MBD5: variants seen among roughly 807,000 people sequenced by gnomAD.
The protein encoded by MBD5 is methyl-CpG binding domain protein 5.
MBD5 carries 13 observed loss-of-function variants against 117.3 expected under a neutral mutation model. The observed-to-expected ratio is 0.11, with a 90% confidence interval of 0.07 to 0.18. The LOEUF is 0.18. Among genes scored for constraint, MBD5 ranks in the 10% least tolerant of loss-of-function variants. The pLI, the probability that MBD5 is intolerant of heterozygous loss-of-function variation, is 1.00. For synonymous variants in MBD5, 727 were observed against 766.4 expected, an observed-to-expected ratio of 0.95 and a Z score of 0.85; for missense variants, 1,879 against 2,093.8, an observed-to-expected ratio of 0.90 and a Z score of 2.00.
chr2:148,379,408 C>G (rs1469680356), intron 4 of MBD5, among the ~76,000 whole-genome samples: 1 of 151,768 alleles, frequency 6.6e-6, no homozygotes, highest in African/African-American at 2.4e-5. Flanking sequence ...TGAATGCCCA[C>G]CAAAACTTTA....
At chr2:148,367,272 A>G (rs1423676568) in intron 4 of MBD5, among the ~76,000 whole-genome samples, 5 of 152,238 alleles carry the variant, frequency 3.3e-5, no homozygotes, top group Non-Finnish European at 7.3e-5. Flanking sequence ...CCAGCTAGCC[A>G]TATGCAGAAA....
chr2:148,461,004 C>T (rs1305259049), intron 5 of MBD5, among the ~76,000 whole-genome samples: 1 of 152,192 alleles, frequency 6.6e-6, no homozygotes, highest in East Asian at 1.9e-4. Flanking sequence ...CGCATCTTGG[C>T]TCACTGCAAC....
chr2:148,231,553 T>TG (rs996696003), intron 2 of MBD5, among the ~76,000 whole-genome samples: 25 of 152,090 alleles, frequency 1.6e-4, no homozygotes, highest in South Asian at 1.3e-3. Flanking sequence ...GTGCTTTTTT[T>TG]TGTGTAGATA....
At chr2:148,024,957 C>G (rs1375544195) in intron 1 of MBD5, 1 of 152,052 alleles carries the variant, frequency 6.6e-6, no homozygotes, top group Non-Finnish European at 1.5e-5. Flanking sequence ...TTTTTTGGTC[C>G]TTACCCAGAC....
At chr2:148,487,697 A>G (rs1681382631) in intron 10 of MBD5, among the ~76,000 whole-genome samples, 1 of 152,090 alleles carries the variant, frequency 6.6e-6, no homozygotes, top group South Asian at 2.1e-4. Flanking sequence ...GGAGGTTAGG[A>G]ATTAAAGAGT....
chr2:148,126,960 T>C (rs919689029), intron 1 of MBD5, among the ~76,000 whole-genome samples: 87 of 150,366 alleles, frequency 5.8e-4, no homozygotes, highest in African/African-American at 2.0e-3. Flanking sequence ...GGTTGTTTTC[T>C]TCAGCTTTTT....
At chr2:148,101,336 C>A (rs1696211696) in intron 1 of MBD5, among the ~76,000 whole-genome samples, 1 of 151,970 alleles carries the variant, frequency 6.6e-6, no homozygotes, top group Non-Finnish European at 1.5e-5. Context: ...GTGGCACATG[C>A]CTATATTACT....
At chr2:148,165,527 CTG>C (rs906955475) in intron 1 of MBD5, among the ~76,000 whole-genome samples, 3 of 152,028 alleles carry the variant, frequency 2.0e-5, no homozygotes, top group Non-Finnish European at 4.4e-5. Context: ...TAGTTGTTCT[CTG>C]TTGCAACTAG....
chr2:148,055,125 T>C (rs1694821034), intron 1 of MBD5: 1 of 152,314 alleles, frequency 6.6e-6, no homozygotes, highest in South Asian at 2.1e-4. Flanking sequence ...TTAAGTGTGT[T>C]GCTAATGTCT....
At chr2:148,271,670 CT>C (rs1700989993) in intron 3 of MBD5, among the ~76,000 whole-genome samples, 1 of 151,988 alleles carries the variant, frequency 6.6e-6, no homozygotes, top group Non-Finnish European at 1.5e-5. Flanking sequence ...ATTATTTCTA[CT>C]TTTTTAATTG....
chr2:148,168,634 C>T (rs745869570), intron 1 of MBD5, among the ~76,000 whole-genome samples: 1 of 152,034 alleles, frequency 6.6e-6, no homozygotes, highest in Non-Finnish European at 1.5e-5. Flanking sequence ...GTCCAAGCTA[C>T]TTGGGAGGCT....
At chr2:148,396,867 G>T (rs1387655174) in intron 4 of MBD5, among the ~76,000 whole-genome samples, 1 of 152,146 alleles carries the variant, frequency 6.6e-6, no homozygotes, top group Non-Finnish European at 1.5e-5. Flanking sequence ...AATATTGCCT[G>T]TGTCAGTTCC....
rs571994524 is a variant in MBD5, at chr2:148,255,086, AT to A, written c.-680+21692del. On this transcript the variant is annotated intron_variant, in intron 3 of 13. Coordinates refer to ENST00000642680, the MANE Select transcript of MBD5 (RefSeq NM_001378120.1). Reference sequence around the variant, plus strand: ...AGCTGGAAACATTGGTCATCTCAGCATAGGTGTGGGCCCAGTCCACAATGCA... The same window carrying A: ...AGCTGGAAACATTGGTCATCTCAGCAAGGTGTGGGCCCAGTCCACAATGCA... Among the ~76,000 whole-genome samples the A allele has an allele frequency of 1.0e-3, 153 of 152,344 alleles. 1 individual carries two copies. Among genetic ancestry groups the A allele is most frequent in the Middle Eastern group, 6.8e-3 (2 of 294 alleles).
At chr2:148,499,218 C>A (rs1412860411) in intron 11 of MBD5, among the ~76,000 whole-genome samples, 3 of 152,148 alleles carry the variant, frequency 2.0e-5, no homozygotes, top group African/African-American at 7.2e-5. Context: ...GGGAAGATTA[C>A]TTGAAGCCCA....
chr2:148,337,478 C>T (rs934814811), intron 3 of MBD5, among the ~76,000 whole-genome samples: 3 of 152,144 alleles, frequency 2.0e-5, no homozygotes, highest in African/African-American at 7.2e-5. Flanking sequence ...AGGTATAGAA[C>T]AGTATGCATA....
chr2:148,276,690 G>T (rs1294281401), intron 3 of MBD5, among the ~76,000 whole-genome samples: 1 of 151,968 alleles, frequency 6.6e-6, no homozygotes, highest in Non-Finnish European at 1.5e-5. Context: ...TCCAATCTGG[G>T]TTCCACTTGA....
rs1031639264 is a variant in MBD5 at position 148,470,183 on chromosome 2, G to C, written c.2240G>C (p.Ser747Thr). 1.2e-6 allele frequency: 2 copies of C among 1,613,808 alleles called. No homozygotes were observed. The highest frequency in any genetic ancestry group is 2.7e-5 in the African/African-American group (2 of 74,894). ...LHFTDPSMNS[S>T]VLQNIPLRGE... ...TTTACAGATCCCAGTATGAACTCTA[G>C]TGTTCTTCAGAACATACCTTTAAGA... Residue 747 changes from serine (S) to threonine (T), a missense_variant, in exon 8 of 14, where the codon AGT becomes ACT. Physicochemically the swap from Ser to Thr is moderately conservative, Grantham distance 58. This residue lies in a region of MBD5 where 1,666 missense variants were observed against 1,792.2 expected (regional missense o/e 0.93). Coordinates refer to ENST00000642680, the MANE Select transcript of MBD5 (RefSeq NM_001378120.1).
chr2:148,487,256 T>C (rs1681367584), intron 10 of MBD5, among the ~76,000 whole-genome samples: 1 of 152,048 alleles, frequency 6.6e-6, no homozygotes, highest in African/African-American at 2.4e-5. Context: ...CATCTTTATG[T>C]TCAAGGGATA....
chr2:148,382,026 A>C (rs1704161370), intron 4 of MBD5, among the ~76,000 whole-genome samples: 1 of 152,210 alleles, frequency 6.6e-6, no homozygotes, highest in African/African-American at 2.4e-5. Flanking sequence ...AAAGACCATC[A>C]AGGCTACGAA....
Sources: allele counts gnomAD v4.1 joint callset (sites outside exome capture counted in the v4.1 genomes callset), GRCh38; gene constraint gnomAD v4.1.1; regional missense constraint gnomAD v4.1.1; transcripts MANE v1.5; gene names NCBI Gene and HGNC (gene_info 2026-07-23, HGNC 2026-07-21).